Variants in TUSC3 observed in about 807,000 individuals in gnomAD.
The protein encoded by TUSC3 is dolichyl-diphosphooligosaccharide--protein glycosyltransferase subunit TUSC3.
A neutral mutation model predicts 44.8 loss-of-function variants in TUSC3; 45 were observed. The ratio of observed to expected loss-of-function variants is 1.00; its 90% CI spans 0.79 to 1.29. The LOEUF (loss-of-function observed/expected upper bound fraction) is 1.29, where lower values mean the gene tolerates loss of function less well. Ranked by LOEUF, TUSC3 falls within the 50% of genes most tolerant of loss-of-function variation. The probability of loss-of-function intolerance (pLI) is 0.00; values close to 1 mark genes in which losing one functional copy is unlikely to be tolerated. For synonymous variants in TUSC3, 212 were observed against 152.9 expected (o/e 1.39, Z -2.85); for missense variants, 519 against 437.9 (o/e 1.19, Z -1.65).
At chr8:15,702,584 C>T (rs758818987) in intron 6 of TUSC3, among the ~76,000 whole-genome samples, 22 of 152,008 alleles carry the variant, frequency 1.4e-4, no homozygotes, top group Admixed American at 7.9e-4. Flanking sequence ...GTCATCATGC[C>T]ACAGATTGGT....
At position 15,484,270 on chromosome 8, in the gene TUSC3, G is replaced by A. The variant is rs141858965; in HGVS notation, n.189+787G>A. ...TCATGATTCATCTCTTAACTCAAAT[G>A]TCCACTCTGCTCTAGCACAATTTCC... is the stretch of plus-strand genomic sequence containing the variant. On this transcript the variant is annotated intron_variant and non_coding_transcript_variant, in intron 2 of 5. Transcript: ENST00000503191. 3.1e-3 allele frequency among the ~76,000 whole-genome samples: 470 copies of A among 152,226 alleles called. 1 individual carries two copies. The highest frequency in any genetic ancestry group is 0.01 in the African/African-American group (432 of 41,524).
At chr8:15,418,529 C>G (rs191640042) in intron 1 of TUSC3, among the ~76,000 whole-genome samples, 1 of 151,176 alleles carries the variant, frequency 6.6e-6, no homozygotes, top group South Asian at 2.1e-4. Context: ...AGCTAGAGAG[C>G]GAAAAAATTA....
chr8:15,789,416 T>G, the TUSC3 span, among the ~76,000 whole-genome samples: 3,607 of 152,274 alleles, frequency 0.024, 144 homozygotes, highest in African/African-American at 0.081. Context: ...GAACATTATT[T>G]TTGTTTTTTT....
intron 1 of TUSC3, among the ~76,000 whole-genome samples, chr8:15,562,943 G>A (rs1435107868): frequency 1.3e-5 from 2 of 152,076 alleles, no homozygotes; most frequent in Non-Finnish European, 2.9e-5. Flanking sequence ...GCCATATAAG[G>A]TAACATAATT....
At chr8:15,675,583 G>T (rs1808150060) in intron 6 of TUSC3, among the ~76,000 whole-genome samples, 1 of 152,028 alleles carries the variant, frequency 6.6e-6, no homozygotes. Context: ...CAAATAGGTA[G>T]TTTTTCAGCC....
the TUSC3 span, chr8:15,807,128 C>A: frequency 1.3e-5 from 13 of 1,030,930 alleles, no homozygotes; most frequent in Middle Eastern, 8.3e-4. Flanking sequence ...AGAATGACCA[C>A]CTTTCAAGTC....
chr8:15,473,859 T>G (rs1302371033), intron 1 of TUSC3, among the ~76,000 whole-genome samples: 1 of 152,146 alleles, frequency 6.6e-6, no homozygotes, highest in Non-Finnish European at 1.5e-5. Flanking sequence ...GATAAACATC[T>G]TAAACAACAG....
intron 6 of TUSC3, among the ~76,000 whole-genome samples, chr8:15,674,436 A>C (rs1808091907): frequency 6.6e-6 from 1 of 151,954 alleles, no homozygotes. Context: ...TCTTTGAGAC[A>C]GTATTAGGAT....
At chr8:15,563,129 A>G (rs1030082869) in intron 1 of TUSC3, among the ~76,000 whole-genome samples, 1 of 152,138 alleles carries the variant, frequency 6.6e-6, no homozygotes, top group African/African-American at 2.4e-5. Flanking sequence ...AACAGGCATG[A>G]CAGTCAATGT....
chr8:15,429,792 A>C (rs1240928913), intron 1 of TUSC3, among the ~76,000 whole-genome samples: 1 of 151,692 alleles, frequency 6.6e-6, no homozygotes, highest in East Asian at 1.9e-4. Flanking sequence ...AAAATGACAA[A>C]GGGGATATCA....
At chr8:15,587,933 T>C (rs1269095600) in intron 1 of TUSC3, among the ~76,000 whole-genome samples, 1 of 152,182 alleles carries the variant, frequency 6.6e-6, no homozygotes, top group Non-Finnish European at 1.5e-5. Context: ...CTATTATATA[T>C]ATATGCTACA....
chr8:15,761,980 A>G (rs747786644), intron 10 of TUSC3, among the ~76,000 whole-genome samples: 2 of 152,104 alleles, frequency 1.3e-5, no homozygotes, highest in Non-Finnish European at 2.9e-5. Context: ...TAGAAATGAG[A>G]GACTAATTCC....
upstream of TUSC3, among the ~76,000 whole-genome samples, chr8:15,536,173 A>G (rs558634256): frequency 4.5e-4 from 69 of 152,308 alleles, 1 homozygote; most frequent in African/African-American, 1.6e-3. Context: ...CAGAGTCTGC[A>G]CGGCATATTT....
chr8:15,755,877 A>G (rs976823791), intron 9 of TUSC3, among the ~76,000 whole-genome samples: 2 of 152,038 alleles, frequency 1.3e-5, no homozygotes, highest in Admixed American at 6.5e-5. Context: ...CAAGGACATC[A>G]TATTCTTCAC....
downstream of TUSC3, among the ~76,000 whole-genome samples, chr8:15,769,959 T>C (rs1478121051): frequency 1.3e-5 from 2 of 152,126 alleles, no homozygotes; most frequent in Admixed American, 6.6e-5. Context: ...TTTTACACTG[T>C]TGGTGGGAGT....
chr8:15,437,571 T>C (rs1398147495), intron 1 of TUSC3, among the ~76,000 whole-genome samples: 1 of 152,210 alleles, frequency 6.6e-6, no homozygotes. Flanking sequence ...TAAGAAACTG[T>C]AGTGCAGATG....
At chr8:15,623,527 C>T (rs551339007) in intron 2 of TUSC3, among the ~76,000 whole-genome samples, 10 of 151,936 alleles carry the variant, frequency 6.6e-5, no homozygotes, top group East Asian at 5.8e-4. Flanking sequence ...GTAGGTCACT[C>T]AGTTATAGCT....
At chr8:15,694,043 T>C (rs575897942) in intron 6 of TUSC3, among the ~76,000 whole-genome samples, 24 of 152,278 alleles carry the variant, frequency 1.6e-4, no homozygotes, top group African/African-American at 5.8e-4. Flanking sequence ...ATAGTTTTAT[T>C]GTATTCCTTA....
intron 2 of TUSC3, among the ~76,000 whole-genome samples, chr8:15,527,635 C>G (rs1006514162): frequency 6.6e-6 from 1 of 152,114 alleles, no homozygotes; most frequent in Admixed American, 6.5e-5. Flanking sequence ...AAATGCCTGG[C>G]CTCAAGGGAA....
Sources: gnomAD v4.1 joint callset for allele counts (sites outside exome capture counted in the v4.1 genomes callset) on GRCh38, gnomAD v4.1.1 for gene constraint, MANE v1.5 for transcripts, NCBI Gene and HGNC (gene_info 2026-07-23, HGNC 2026-07-21) for gene names.